The following CYP39A1 variants were observed in gnomAD, a reference collection of about 807,000 sequenced individuals.
CYP39A1 encodes the protein 24-hydroxycholesterol 7-alpha-hydroxylase.
In CYP39A1, 49 loss-of-function variants were observed where a neutral mutation model predicts 58.1. The ratio of observed to expected loss-of-function variants is 0.84; its 90% CI spans 0.67 to 1.07. CYP39A1 has a LOEUF of 1.07. CYP39A1 is among the 50% of genes least tolerant of loss of function. The pLI is 0.00. For missense variants in CYP39A1, 531 were observed against 539.4 expected (o/e 0.98, Z 0.16); for synonymous variants, 209 against 187.6 (o/e 1.11, Z -0.93).
intron 5 of CYP39A1, among the ~76,000 whole-genome samples, 191 bp from the exon 6 acceptor site, chr6:46,631,261 A>G (rs994164615): frequency 6.6e-6 from 1 of 151,594 alleles, no homozygotes; most frequent in South Asian, 2.1e-4. Flanking sequence ...GGGATTCTGG[A>G]GCTTGACCGC....
intron 10 of CYP39A1, among the ~76,000 whole-genome samples, chr6:46,580,013 C>A (rs1772038500): frequency 6.6e-6 from 1 of 151,976 alleles, no homozygotes; most frequent in African/African-American, 2.4e-5. Flanking sequence ...ATTCTAAAAT[C>A]CATATGGAAC....
chr6:46,605,413 AC>A (rs1447325465), intron 7 of CYP39A1, among the ~76,000 whole-genome samples: 1 of 152,152 alleles, frequency 6.6e-6, no homozygotes, highest in Non-Finnish European at 1.5e-5. Flanking sequence ...GGCAGACAGG[AC>A]TTTTGTTTCT....
At chr6:46,571,886 T>C (rs1282666704) in intron 10 of CYP39A1, among the ~76,000 whole-genome samples, 1 of 152,114 alleles carries the variant, frequency 6.6e-6, no homozygotes. Context: ...TTATCTCTTG[T>C]GTGTCTACTA....
At chr6:46,564,137 TCTATTC>T (rs1771144836) in intron 10 of CYP39A1, among the ~76,000 whole-genome samples, 1 of 123,100 alleles carries the variant, frequency 8.1e-6, no homozygotes, top group South Asian at 2.4e-4. Context: ...TCTATTTTAT[TCTATTC>T]TATTTTATTC....
chr6:46,553,631 A>G, intron 11 of CYP39A1, 136 bp downstream of exon 11: 1 of 675,224 alleles, frequency 1.5e-6, no homozygotes, highest in Non-Finnish European at 2.7e-6. Context: ...GTCTGGTTCA[A>G]TCTAAGGCAC....
intron 5 of CYP39A1, among the ~76,000 whole-genome samples, chr6:46,632,882 T>C (rs1775746584): frequency 6.6e-6 from 1 of 152,028 alleles, no homozygotes; most frequent in African/African-American, 2.4e-5. Flanking sequence ...AACTGCATTG[T>C]ACCACAGCAT....
chr6:46,597,236 G>C (rs958301462), intron 7 of CYP39A1, among the ~76,000 whole-genome samples: 2 of 152,072 alleles, frequency 1.3e-5, no homozygotes, highest in African/African-American at 4.8e-5. Context: ...ACCACGTAGG[G>C]ACCAGGAGCT....
At chr6:46,561,465 G>GA (rs1432459312) in intron 10 of CYP39A1, among the ~76,000 whole-genome samples, 1 of 152,068 alleles carries the variant, frequency 6.6e-6, no homozygotes, top group Non-Finnish European at 1.5e-5. Context: ...TTGGCAGAGA[G>GA]AAAATCCATT....
intron 7 of CYP39A1, among the ~76,000 whole-genome samples, chr6:46,600,138 CT>C (rs956287220): frequency 6.2e-4 from 94 of 150,510 alleles, no homozygotes; most frequent in Admixed American, 1.1e-3. Context: ...TTTTTCTTTT[CT>C]TTTTTTTGAC....
intron 1 of CYP39A1, among the ~76,000 whole-genome samples, chr6:46,648,692 C>T (rs1278520423): frequency 6.6e-6 from 1 of 151,952 alleles, no homozygotes; most frequent in African/African-American, 2.4e-5. Context: ...TATAAACCTA[C>T]TCTTATGCAA....
At chr6:46,623,345 C>T (rs1242499789) in intron 7 of CYP39A1, among the ~76,000 whole-genome samples, 1 of 152,088 alleles carries the variant, frequency 6.6e-6, no homozygotes, top group African/African-American at 2.4e-5. Context: ...AGAAACAAAA[C>T]TCAACAGATT....
intron 7 of CYP39A1, among the ~76,000 whole-genome samples, chr6:46,622,497 T>C (rs1775021033): frequency 6.7e-6 from 1 of 149,870 alleles, no homozygotes; most frequent in African/African-American, 2.5e-5. Context: ...CTTGTGGTCC[T>C]AGCTACTCAG....
At chr6:46,613,939 C>CAAAAA (rs34289054) in intron 7 of CYP39A1, among the ~76,000 whole-genome samples, 63 of 121,074 alleles carry the variant, frequency 5.2e-4, no homozygotes, top group African/African-American at 1.6e-3. Flanking sequence ...CACAAAGAAG[C>CAAAAA]AAAAAAAAAA....
At chr6:46,566,681 C>G (rs1304506190) in intron 10 of CYP39A1, among the ~76,000 whole-genome samples, 1 of 151,632 alleles carries the variant, frequency 6.6e-6, no homozygotes, top group African/African-American at 2.4e-5. Context: ...GGAAAAGGGG[C>G]AAAGGAATAG....
intron 3 of CYP39A1, 43 bp from the exon 4 acceptor site, chr6:46,638,021 A>G: frequency 6.4e-7 from 1 of 1,566,408 alleles, no homozygotes; most frequent in Non-Finnish European, 8.6e-7. Flanking sequence ...CCGAAGACCA[A>G]AGAAGAAAGG....
At chr6:46,596,241 A>G in intron 7 of CYP39A1, 121 bp from the exon 8 acceptor site, 2 of 613,222 alleles carry the variant, frequency 3.3e-6, no homozygotes, top group South Asian at 3.2e-5. Flanking sequence ...TCCTATTACT[A>G]TTACCTATTA....
Position 46,624,474 on chromosome 6 carries a change from C to T in CYP39A1, c.931+944G>A, listed in dbSNP as rs74880036. On this transcript the variant is annotated intron_variant, in intron 7 of 11. Coordinates refer to ENST00000275016, the MANE Select transcript of CYP39A1 (RefSeq NM_016593.5). The stretch of plus-strand genomic sequence containing the variant: ...TTCTATAAGGTCCAGCATCTGCTGA[C>T]GCATACTCAAGGCTCAGACAATATT... Among the ~76,000 whole-genome samples, 290 of 152,106 alleles carry T rather than the reference C, an allele frequency of 1.9e-3. 1 individual carries two copies. Among genetic ancestry groups the T allele is most frequent in the African/African-American group, 6.6e-3 (274 of 41,492 alleles).
chr6:46,606,720 A>G (rs967720843), intron 7 of CYP39A1, among the ~76,000 whole-genome samples: 4 of 152,232 alleles, frequency 2.6e-5, no homozygotes, highest in Non-Finnish European at 5.9e-5. Flanking sequence ...GTTCAGAAAT[A>G]GCAAAAAAAG....
chr6:46,574,283 A>G (rs1279005998), intron 10 of CYP39A1, among the ~76,000 whole-genome samples: 1 of 152,148 alleles, frequency 6.6e-6, no homozygotes, highest in African/African-American at 2.4e-5. Flanking sequence ...CCTAGTAGTT[A>G]ATTTTCCTGC....
Sources: gnomAD v4.1 joint callset for allele counts (sites outside exome capture counted in the v4.1 genomes callset) on GRCh38, gnomAD v4.1.1 for gene constraint, MANE v1.5 for transcripts, NCBI Gene and HGNC (gene_info 2026-07-23, HGNC 2026-07-21) for gene names.